RAPGEF2: variants seen among roughly 807,000 people sequenced by gnomAD.
The protein encoded by RAPGEF2 is Rap guanine nucleotide exchange factor 2, also known as PDZ domain containing guanine nucleotide exchange factor (GEF) 1.
A neutral mutation model predicts 186.7 loss-of-function variants in RAPGEF2; 54 were observed. The observed-to-expected ratio is 0.29, with a 90% CI of 0.23 to 0.36. The LOEUF (loss-of-function observed/expected upper bound fraction) is 0.36, where lower values mean the gene tolerates loss of function less well. Ranked by LOEUF, RAPGEF2 falls within the 10% of genes least tolerant of loss-of-function variation. RAPGEF2 has a pLI of 1.00. For missense variants in RAPGEF2, 1,532 were observed against 2,045.0 expected (o/e 0.75, Z 4.84); for synonymous variants, 712 against 705.9 (o/e 1.01, Z -0.14).
At chr4:159,149,547 G>C (rs1035995036) in intron 1 of RAPGEF2, among the ~76,000 whole-genome samples, 2 of 152,144 alleles carry the variant, frequency 1.3e-5, no homozygotes, top group Admixed American at 1.3e-4. Context: ...GTGAGCCACC[G>C]CGCCTGGCCT....
rs115019610 is a variant in RAPGEF2, at chr4:159,178,218, C to T, written c.70-8424C>T. On this transcript the variant is annotated intron_variant, in intron 1 of 29. Transcript: ENST00000691494. ...ATGCTGCAGTGGAACATAATCCCCC[C>T]ACCCCATTATTTTTTGTTGTGTACA... is the stretch of plus-strand genomic sequence containing the variant. Among the ~76,000 whole-genome samples, 733 of 152,222 alleles carry T rather than the reference C, an allele frequency of 4.8e-3. 5 individuals carry two copies. The highest frequency in any genetic ancestry group is 0.017 in the African/African-American group (700 of 41,532).
At chr4:159,223,228 C>T (rs900156115) in intron 4 of RAPGEF2, among the ~76,000 whole-genome samples, 6 of 151,900 alleles carry the variant, frequency 3.9e-5, no homozygotes, top group African/African-American at 1.5e-4. Context: ...ATAGGGGTTA[C>T]ATATTTTTGC....
intron 13 of RAPGEF2, among the ~76,000 whole-genome samples, chr4:159,331,020 C>T (rs1306852190): frequency 6.6e-6 from 1 of 152,162 alleles, no homozygotes; most frequent in Non-Finnish European, 1.5e-5. Flanking sequence ...TTATATTCTG[C>T]ACCCTTACAG....
chr4:159,294,474 A>G (rs1761653050), intron 7 of RAPGEF2, among the ~76,000 whole-genome samples: 1 of 152,188 alleles, frequency 6.6e-6, no homozygotes, highest in Non-Finnish European at 1.5e-5. Context: ...TGAGAACTCA[A>G]GTTTTAGTAA....
chr4:159,119,785 T>C (rs180799099), intron 1 of RAPGEF2, among the ~76,000 whole-genome samples: 5 of 152,336 alleles, frequency 3.3e-5, no homozygotes, highest in Admixed American at 2.6e-4. Context: ...ATCATTTCTA[T>C]GGTAGATGAG....
At position 159,264,637 on chromosome 4, in the gene RAPGEF2, G is replaced by T. The variant is rs564368613; in HGVS notation, c.543+20846G>T. Among the ~76,000 whole-genome samples, 9 of 152,140 alleles carry T rather than the reference G, an allele frequency of 5.9e-5. No homozygotes were observed. In the East Asian group the frequency reaches 1.7e-3, roughly 29 times the overall value. On this transcript the variant is annotated intron_variant, in intron 7 of 29. Transcript: ENST00000691494. ...TTTTACACATTATTAAGTGTAAAAG[G>T]CCAGTGGGATTAAATACATTCCCAT...
intron 17 of RAPGEF2, 113 bp from the exon 18 acceptor site, chr4:159,338,198 A>G (rs1021923051): frequency 4.4e-6 from 4 of 902,970 alleles, no homozygotes; most frequent in Non-Finnish European, 6.4e-6. Flanking sequence ...TGGTGTTTTT[A>G]CATGAGCTGC....
intron 7 of RAPGEF2, among the ~76,000 whole-genome samples, chr4:159,284,989 A>T (rs1760268585): frequency 6.6e-6 from 1 of 152,146 alleles, no homozygotes; most frequent in Admixed American, 6.5e-5. Flanking sequence ...GGAGGTTGAG[A>T]CTGCAATGAG....
chr4:159,296,640 A>T (rs2111000559), intron 7 of RAPGEF2, among the ~76,000 whole-genome samples: 1 of 152,236 alleles, frequency 6.6e-6, no homozygotes, highest in East Asian at 1.9e-4. Flanking sequence ...ATTTTTTAAG[A>T]GTGTTGTAAA....
chr4:159,223,011 C>T (rs1333814556), intron 4 of RAPGEF2, among the ~76,000 whole-genome samples: 1 of 151,220 alleles, frequency 6.6e-6, no homozygotes, highest in African/African-American at 2.4e-5. Context: ...TAATTTTTTC[C>T]ATGTATTGTA....
At chr4:159,123,447 G>A (rs1205814321) in intron 1 of RAPGEF2, among the ~76,000 whole-genome samples, 1 of 151,738 alleles carries the variant, frequency 6.6e-6, no homozygotes, top group Non-Finnish European at 1.5e-5. Flanking sequence ...CTTCTGGTTG[G>A]TTTACCAGCT....
chr4:159,342,002 G>C, intron 20 of RAPGEF2, 55 bp downstream of exon 20: 2 of 1,480,126 alleles, frequency 1.4e-6, no homozygotes, highest in Non-Finnish European at 1.8e-6. Context: ...TTTAAAATAT[G>C]TATCAGTCCA....
chr4:159,239,315 C>T (rs544031860), intron 5 of RAPGEF2, among the ~76,000 whole-genome samples: 22 of 152,148 alleles, frequency 1.4e-4, no homozygotes, highest in African/African-American at 5.3e-4. Flanking sequence ...TGTGAGCAAT[C>T]GTGAGGAATA....
intron 1 of RAPGEF2, among the ~76,000 whole-genome samples, chr4:159,104,553 A>AGAGTGTGTGTGT (rs1553991869): frequency 7.4e-6 from 1 of 136,028 alleles, no homozygotes; most frequent in Non-Finnish European, 1.6e-5. Context: ...AGAGAGAGAG[A>AGAGTGTGTGTGT]GTGTGTGTGT....
intron 1 of RAPGEF2, among the ~76,000 whole-genome samples, chr4:159,131,141 G>A (rs921857400): frequency 2.7e-5 from 4 of 147,112 alleles, no homozygotes; most frequent in Non-Finnish European, 4.5e-5. Flanking sequence ...ACAGAATTTC[G>A]CCCTTGTTGC....
chr4:159,317,134 CTT>C (rs1338161384), intron 9 of RAPGEF2, among the ~76,000 whole-genome samples: 1 of 152,072 alleles, frequency 6.6e-6, no homozygotes. Context: ...TGAGGAAAAA[CTT>C]TCACCATTTC....
intron 1 of RAPGEF2, among the ~76,000 whole-genome samples, chr4:159,123,677 C>T (rs1739967793): frequency 6.6e-6 from 1 of 151,476 alleles, no homozygotes; most frequent in Non-Finnish European, 1.5e-5. Context: ...CACCACCGCG[C>T]CCGGCTAATT....
intron 1 of RAPGEF2, among the ~76,000 whole-genome samples, chr4:159,133,417 G>GA (rs1333378348): frequency 6.6e-6 from 1 of 150,670 alleles, no homozygotes; most frequent in Non-Finnish European, 1.5e-5. Flanking sequence ...AAAGTTGTAT[G>GA]AATTTTTTTT....
intron 2 of RAPGEF2, among the ~76,000 whole-genome samples, chr4:159,188,764 G>A (rs945140849): frequency 3.9e-5 from 6 of 152,150 alleles, no homozygotes; most frequent in Admixed American, 1.3e-4. Flanking sequence ...ACTTTCTGCA[G>A]CTGCAGAAGT....
Sources: allele counts gnomAD v4.1 joint callset (sites outside exome capture counted in the v4.1 genomes callset), GRCh38; gene constraint gnomAD v4.1.1; transcripts MANE v1.5; gene names NCBI Gene and HGNC (gene_info 2026-07-23, HGNC 2026-07-21).